The following NRXN3 variants were observed in gnomAD, a reference collection of about 807,000 sequenced individuals.
The protein encoded by NRXN3 is neurexin III.
In NRXN3, 32 loss-of-function variants were observed where a neutral mutation model predicts 137.6. The observed-to-expected ratio is 0.23, with a 90% CI of 0.18 to 0.31. The LOEUF (loss-of-function observed/expected upper bound fraction) is 0.31. NRXN3 is among the 10% of genes least tolerant of loss of function. The pLI is 1.00. For synonymous variants in NRXN3, 798 were observed against 784.5 expected, an observed-to-expected ratio of 1.02 and a Z score of -0.29; for missense variants, 1,574 against 2,062.5, an observed-to-expected ratio of 0.76 and a Z score of 4.59.
chr14:78,184,470 C>CTG (rs976703671), intron 1 of NRXN3, among the ~76,000 whole-genome samples: 5 of 152,198 alleles, frequency 3.3e-5, no homozygotes, highest in Non-Finnish European at 5.9e-5. Context: ...GCTTCTCTCT[C>CTG]TTTGGCGTCT....
intron 17 of NRXN3, among the ~76,000 whole-genome samples, chr14:79,675,018 C>G (rs1448614528): frequency 6.6e-6 from 1 of 151,940 alleles, no homozygotes; most frequent in Non-Finnish European, 1.5e-5. Context: ...TTTGAATCAT[C>G]ATAGCATCCT....
intron 4 of NRXN3, among the ~76,000 whole-genome samples, chr14:78,389,056 C>CTTTTT (rs5809885): frequency 1.5e-5 from 2 of 135,604 alleles, no homozygotes; most frequent in African/African-American, 2.8e-5. Flanking sequence ...GTTTAAGTTT[C>CTTTTT]TTTTTTTTTT....
At position 78,360,550 on chromosome 14, in the gene NRXN3, T is replaced by C. The variant is rs555277265; in HGVS notation, c.757+62690T>C. 3.3e-5 allele frequency among the ~76,000 whole-genome samples: 5 copies of C among 152,286 alleles called. No homozygotes were observed. The East Asian group carries it at 9.7e-4, about 29-fold the overall frequency. On this transcript the variant is annotated intron_variant, in intron 4 of 20. Transcript: ENST00000335750. ...CCAGCTCTGTCATTTACTACCCATG[T>C]AGCCCTGGGTGCCTAGTTTCTTTAT...
At chr14:79,783,941 A>G (rs2099121637) in intron 19 of NRXN3, among the ~76,000 whole-genome samples, 1 of 152,206 alleles carries the variant, frequency 6.6e-6, no homozygotes, top group African/African-American at 2.4e-5. Flanking sequence ...GAGTCTTGGC[A>G]ATTAAAACTT....
chr14:78,511,465 G>A (rs2096107319), intron 4 of NRXN3, among the ~76,000 whole-genome samples: 1 of 152,138 alleles, frequency 6.6e-6, no homozygotes, highest in African/African-American at 2.4e-5. Flanking sequence ...TGAAGCCCAG[G>A]TGGGAGTAAG....
At chr14:78,287,987 T>A (rs560910156) in intron 3 of NRXN3, among the ~76,000 whole-genome samples, 1 of 144,388 alleles carries the variant, frequency 6.9e-6, no homozygotes, top group East Asian at 2.0e-4. Context: ...GGACTCCCCC[T>A]TTTTTTTTTT....
intron 4 of NRXN3, among the ~76,000 whole-genome samples, chr14:78,620,562 C>T (rs2097393726): frequency 6.6e-6 from 1 of 152,112 alleles, no homozygotes; most frequent in Admixed American, 6.6e-5. Flanking sequence ...CAGACCCTCA[C>T]CCAGAGTGGA....
At chr14:79,629,733 CAA>C (rs1018805278) in intron 16 of NRXN3, among the ~76,000 whole-genome samples, 6 of 152,012 alleles carry the variant, frequency 3.9e-5, no homozygotes, top group African/African-American at 1.4e-4. Flanking sequence ...AGAAGAAAAA[CAA>C]AGAGATCAGC....
chr14:79,433,448 C>T lies in NRXN3; in HGVS notation c.3263-33773C>T, dbSNP rs529507069. The stretch of plus-strand genomic sequence containing the variant: ...TTTTGCCCCTCTTAACTCTCCTGAC[C>T]ACTAGCATTCTCTCTACCTTAGTGT... On this transcript the variant is annotated intron_variant, in intron 15 of 20. Transcript: ENST00000335750. Among the ~76,000 whole-genome samples the T allele has an allele frequency of 1.3e-3, 194 of 152,216 alleles. 3 individuals are homozygous for T. Among genetic ancestry groups the T allele is most frequent in the African/African-American group, 4.1e-3 (170 of 41,530 alleles).
intron 4 of NRXN3, among the ~76,000 whole-genome samples, chr14:78,495,407 A>G (rs960271514): frequency 2.0e-5 from 3 of 152,154 alleles, no homozygotes; most frequent in African/African-American, 7.2e-5. Flanking sequence ...AGAGATCCCA[A>G]TAGCAACACA....
intron 16 of NRXN3, among the ~76,000 whole-genome samples, chr14:79,496,946 C>A (rs930398653): frequency 1.3e-5 from 2 of 152,128 alleles, no homozygotes; most frequent in Admixed American, 6.5e-5. Context: ...TTGTTCTAAA[C>A]CCTCTGCGGG....
intron 6 of NRXN3, among the ~76,000 whole-genome samples, chr14:78,658,312 G>A (rs927754732): frequency 6.6e-6 from 1 of 152,172 alleles, no homozygotes; most frequent in African/African-American, 2.4e-5. Flanking sequence ...TCTGAGCCTC[G>A]GTTTCTTCAT....
At chr14:78,569,265 G>A (rs542082036) in intron 4 of NRXN3, among the ~76,000 whole-genome samples, 9 of 143,182 alleles carry the variant, frequency 6.3e-5, no homozygotes, top group Admixed American at 5.7e-4. Flanking sequence ...CACTGTGCCC[G>A]GCCTTTTCTT....
At chr14:78,641,793 A>C (rs2097636145) in intron 4 of NRXN3, among the ~76,000 whole-genome samples, 2 of 152,328 alleles carry the variant, frequency 1.3e-5, no homozygotes, top group South Asian at 4.1e-4. Context: ...TTGGCCACAT[A>C]AAATCTTCTT....
chr14:79,504,566 T>C (rs1209230606), intron 16 of NRXN3, among the ~76,000 whole-genome samples: 1 of 149,622 alleles, frequency 6.7e-6, no homozygotes, highest in Non-Finnish European at 1.5e-5. Context: ...ATTTTAGCCC[T>C]GATTTTGCCC....
At chr14:79,616,055 G>A (rs532525583) in intron 16 of NRXN3, among the ~76,000 whole-genome samples, 2 of 152,136 alleles carry the variant, frequency 1.3e-5, no homozygotes, top group Non-Finnish European at 2.9e-5. Context: ...ATCATTGAGA[G>A]TCATACTAGT....
At chr14:78,377,492 T>C (rs2088109803) in intron 4 of NRXN3, among the ~76,000 whole-genome samples, 1 of 152,216 alleles carries the variant, frequency 6.6e-6, no homozygotes, top group Non-Finnish European at 1.5e-5. Context: ...AATAGGTAAT[T>C]GGTAATAAAT....
chr14:78,941,546 T>C (rs1300422443), intron 10 of NRXN3, among the ~76,000 whole-genome samples: 4 of 152,206 alleles, frequency 2.6e-5, no homozygotes, highest in African/African-American at 7.2e-5. Context: ...CCATTGGTTA[T>C]GGAGGTCTGA....
intron 10 of NRXN3, among the ~76,000 whole-genome samples, chr14:78,924,324 T>C (rs927031165): frequency 6.6e-6 from 1 of 152,346 alleles, no homozygotes; most frequent in Non-Finnish European, 1.5e-5. Flanking sequence ...AGGTTTTATC[T>C]TAAGTAGTTT....
Sources: gnomAD v4.1 joint callset for allele counts (sites outside exome capture counted in the v4.1 genomes callset) on GRCh38, gnomAD v4.1.1 for gene constraint, MANE v1.5 for transcripts, NCBI Gene and HGNC (gene_info 2026-07-23, HGNC 2026-07-21) for gene names.